The following MREG variants were observed in gnomAD, a reference collection of about 807,000 sequenced individuals.
The protein encoded by MREG is dilute suppressor protein homolog.
A neutral mutation model predicts 28.5 loss-of-function variants in MREG; 31 were observed. The ratio of observed to expected loss-of-function variants is 1.09; its 90% CI spans 0.82 to 1.47. The LOEUF is 1.47. MREG is among the 40% of genes most tolerant of loss of function. The pLI, the probability that MREG is intolerant of heterozygous loss-of-function variation, is 0.00. For synonymous variants in MREG, 106 were observed against 95.2 expected, an observed-to-expected ratio of 1.11 and a Z score of -0.66; for missense variants, 256 against 257.4, an observed-to-expected ratio of 0.99 and a Z score of 0.04.
At chr2:216,013,795 A>C (rs1011280605), upstream of MREG, among the ~76,000 whole-genome samples, 6 of 152,020 alleles carry the variant, frequency 3.9e-5, no homozygotes, top group African/African-American at 1.4e-4. Context: ...TGCGCGAGGA[A>C]ATTAAAGATC....
At chr2:215,951,690 T>C (rs187656367) in intron 2 of MREG, among the ~76,000 whole-genome samples, 11 of 152,276 alleles carry the variant, frequency 7.2e-5, no homozygotes, top group African/African-American at 2.6e-4. Flanking sequence ...TGGGGTTTTT[T>C]TCCTCGTCAG....
downstream of MREG, among the ~76,000 whole-genome samples, chr2:215,942,145 G>A (rs1174666055): frequency 6.6e-6 from 1 of 152,116 alleles, no homozygotes; most frequent in African/African-American, 2.4e-5. Context: ...ACTGGTTAGA[G>A]GGTTTTCTCC....
Position 215,945,687 on chromosome 2 carries a change from T to C in MREG, c.394A>G (p.Thr132Ala), listed in dbSNP as rs1257440440. 2 of 1,613,960 alleles carry C rather than the reference T, an allele frequency of 1.2e-6. No individual in the cohort carries two copies. The highest frequency in any genetic ancestry group is 1.3e-5 in the African/African-American group (1 of 75,058). The change falls in exon 4 of 5, where the codon ACC (threonine) becomes GCC (alanine). Residue 132 changes from threonine (T) to alanine (A), a missense_variant. Physicochemically the swap from Thr to Ala is moderately conservative, Grantham distance 58. Coordinates refer to ENST00000263268, the MANE Select transcript of MREG (RefSeq NM_018000.3). ...CTTGTGTTTTTAGAATCACTGATGG[T>C]GCTGAGTTTAGTCACTGACAACAAA... is the stretch of plus-strand genomic sequence containing the variant. ...DSLLSVTKLS[T>A]ISDSKNTRKA...
intron 2 of MREG, among the ~76,000 whole-genome samples, chr2:215,995,263 A>G (rs1352811309): frequency 6.6e-6 from 1 of 151,946 alleles, no homozygotes; most frequent in Non-Finnish European, 1.5e-5. Context: ...GTCCCAGTCC[A>G]CCCTTCCCCA....
At chr2:215,976,337 T>G (rs10804246) in intron 2 of MREG, among the ~76,000 whole-genome samples, 55,598 of 152,116 alleles carry the variant, frequency 0.37, 11,792 homozygotes, top group Admixed American at 0.46. Flanking sequence ...CATCCCTTGC[T>G]CTTAGCCCCA....
intron 2 of MREG, among the ~76,000 whole-genome samples, chr2:215,956,418 C>G (rs1692629747): frequency 6.6e-6 from 1 of 151,990 alleles, no homozygotes; most frequent in African/African-American, 2.4e-5. Context: ...TTTGCAGATG[C>G]CTTTAAATCC....
intron 2 of MREG, among the ~76,000 whole-genome samples, chr2:215,981,050 C>A (rs1165347256): frequency 6.6e-6 from 1 of 152,000 alleles, no homozygotes; most frequent in Non-Finnish European, 1.5e-5. Context: ...GGAAACAGTA[C>A]CGCAGTTCCT....
At chr2:215,977,173 G>A (rs550781838) in intron 2 of MREG, among the ~76,000 whole-genome samples, 1 of 152,280 alleles carries the variant, frequency 6.6e-6, no homozygotes, top group Admixed American at 6.5e-5. Context: ...CAAAATAAAG[G>A]GATGGAGGAA....
chr2:216,013,302 G>A lies in MREG; in HGVS notation c.26C>T (p.Thr9Ile). MGLRDWLR[T>I]VCCCCGCECL... ...CTCGCACCCGCAGCAGCAGCACACG[G>A]TTCTCAGCCAGTCCCTCAGCCCCAT... Residue 9 changes from threonine to isoleucine, a missense_variant, in exon 1 of 5, where the codon ACC becomes ATC. Physicochemically the swap from Thr to Ile is moderately conservative, Grantham distance 89. Coordinates refer to ENST00000263268, the MANE Select transcript of MREG (RefSeq NM_018000.3). 3 of 1,549,358 alleles carry A rather than the reference G, an allele frequency of 1.9e-6. No individual in the cohort carries two copies. Among genetic ancestry groups the A allele is most frequent in the Non-Finnish European group, 2.6e-6 (3 of 1,146,548 alleles).
In MREG at chr2:215,944,775, C is replaced by G; in HGVS notation, c.*88G>C. 2 of 1,316,034 alleles carry G rather than the reference C, an allele frequency of 1.5e-6. No individual in the cohort carries two copies. Among genetic ancestry groups the G allele is most frequent in the Non-Finnish European group, 2.1e-6 (2 of 971,604 alleles). The allele number at this position is 1,316,034 out of a possible 1,614,324, so 81.5% of individuals were successfully genotyped here. A position where few individuals can be genotyped will look rare whatever the true frequency, so the allele number is the denominator to read the frequency against. ...TTTTTCACTAAGCAAACTCTATTTG[C>G]TCACTCTCTTCTACATGTAATTGTC... On this transcript the variant is annotated 3_prime_UTR_variant, in exon 5 of 5. Coordinates refer to ENST00000263268, the MANE Select transcript of MREG (RefSeq NM_018000.3).
At chr2:215,964,000 T>G (rs933234615) in intron 2 of MREG, among the ~76,000 whole-genome samples, 2 of 152,162 alleles carry the variant, frequency 1.3e-5, no homozygotes, top group East Asian at 3.8e-4. Flanking sequence ...ACACCCATAA[T>G]CTCACTTAAC....
intron 1 of MREG, among the ~76,000 whole-genome samples, chr2:216,021,194 T>A (rs566646026): frequency 6.6e-6 from 1 of 152,130 alleles, no homozygotes; most frequent in Non-Finnish European, 1.5e-5. Context: ...GTCACCCAGG[T>A]TGGAGTGCAG....
chr2:215,988,154 C>T (rs766559507), intron 2 of MREG, among the ~76,000 whole-genome samples: 39 of 152,170 alleles, frequency 2.6e-4, no homozygotes, highest in Non-Finnish European at 4.9e-4. Flanking sequence ...GTGAGATCAA[C>T]GCAGAAGACG....
intron 1 of MREG, among the ~76,000 whole-genome samples, chr2:216,008,907 AC>A (rs1257697101): frequency 2.6e-5 from 4 of 152,106 alleles, no homozygotes; most frequent in African/African-American, 7.2e-5. Context: ...TTCCTCTTCA[AC>A]TCAGTCTCTG....
rs117007452 is a variant in MREG, at chr2:215,983,882, G to A, written c.255+12424C>T. Reference sequence around the variant, plus strand: ...TACTTAATAGCCTTAAAGGATAAGCGTAGAATTTCTGTCACTCATTATGCC... The same window carrying A: ...TACTTAATAGCCTTAAAGGATAAGCATAGAATTTCTGTCACTCATTATGCC... On this transcript the variant is annotated intron_variant, in intron 2 of 4. Transcript: ENST00000263268. Among the ~76,000 whole-genome samples the A allele has an allele frequency of 1.2e-4, 18 of 152,298 alleles. No individual in the cohort carries two copies. In the East Asian group the frequency reaches 3.1e-3, roughly 26 times the overall value.
intron 2 of MREG, among the ~76,000 whole-genome samples, chr2:215,966,788 G>A (rs1354683162): frequency 6.6e-6 from 1 of 152,072 alleles, no homozygotes; most frequent in Admixed American, 6.5e-5. Flanking sequence ...TTTTAGTAGA[G>A]ACGAGGTTTC....
intron 2 of MREG, among the ~76,000 whole-genome samples, chr2:215,974,864 T>TCTCTCTCTCC (rs1693206633): frequency 6.7e-6 from 1 of 150,040 alleles, no homozygotes; most frequent in Non-Finnish European, 1.5e-5. Context: ...TCTCTCTCTC[T>TCTCTCTCTCC]CTCTCTCTCT....
chr2:216,007,365 T>C (rs1694181944), intron 1 of MREG, among the ~76,000 whole-genome samples: 3 of 152,162 alleles, frequency 2.0e-5, no homozygotes, highest in Admixed American at 1.3e-4. Context: ...AGCTCTCAGA[T>C]TGGAAACAAG....
At chr2:215,966,008 G>A (rs1440199304) in intron 2 of MREG, among the ~76,000 whole-genome samples, 3 of 152,332 alleles carry the variant, frequency 2.0e-5, no homozygotes, top group South Asian at 2.1e-4. Context: ...TCTTTGAGGC[G>A]TGGCTCCCTG....
Sources: allele counts gnomAD v4.1 joint callset (sites outside exome capture counted in the v4.1 genomes callset), GRCh38; gene constraint gnomAD v4.1.1; transcripts MANE v1.5; gene names NCBI Gene and HGNC (gene_info 2026-07-23, HGNC 2026-07-21).